RFPL2: variants seen among roughly 807,000 people sequenced by gnomAD.
RFPL2 encodes the protein ret finger protein like 2.
Under a neutral mutation model 17.8 loss-of-function variants are expected in RFPL2, and 13 were observed. The observed-to-expected ratio is 0.73, with a 90% CI of 0.47 to 1.16. The LOEUF is 1.16. Among genes scored for constraint, RFPL2 ranks in the 50% most tolerant of loss-of-function variants. The pLI is 0.00. For synonymous variants in RFPL2, 189 were observed against 180.9 expected (o/e 1.04, Z -0.36); for missense variants, 431 against 479.3 (o/e 0.90, Z 0.94).
intron 2 of RFPL2, among the ~76,000 whole-genome samples, chr22:32,197,408 T>TA (rs993766918): frequency 1.3e-5 from 2 of 152,126 alleles, no homozygotes; most frequent in African/African-American, 2.4e-5. Context: ...TCTTTTTTTT[T>TA]ACTTCATTTT....
In RFPL2 at chr22:32,192,897, C is replaced by A. The variant is rs376243048; in HGVS notation, c.556+5G>T. Reference sequence around the variant, plus strand: ...GGAAGGGGGCAGGGTATACAGATGCCTTACCTTGGAACTTCCGCATCCTTG... The same window carrying A: ...GGAAGGGGGCAGGGTATACAGATGCATTACCTTGGAACTTCCGCATCCTTG... On this transcript the variant is annotated splice_donor_5th_base_variant and intron_variant, in intron 4 of 4. Coordinates refer to ENST00000652607, the MANE Select transcript of RFPL2 (RefSeq NM_001394555.1). The A allele has an allele frequency of 6.2e-7, 1 of 1,605,318 alleles. No homozygotes were observed. Among genetic ancestry groups the A allele is most frequent in the Non-Finnish European group, 8.5e-7 (1 of 1,175,752 alleles).
rs377575338 is a variant in RFPL2, at chr22:32,191,259, C to T, written c.650G>A (p.Arg217Gln). The change falls in exon 5 of 5, where the codon CGG becomes CAG. Residue 217 changes from arginine (R) to glutamine (Q), a missense_variant. Transcript: ENST00000652607. ...GTCAAATCTCTCGGCAAGGTCTTGCCGATTCTGTCTGATGCGCCCACTTCG... is the reference window on the plus strand; with the variant it reads ...GTCAAATCTCTCGGCAAGGTCTTGCTGATTCTGTCTGATGCGCCCACTTCG... ...SVRSGRIRQN[R>Q]QDLAERFDVS... The T allele has an allele frequency of 2.7e-5, 44 of 1,613,934 alleles. No homozygotes were observed. The African/African-American group carries it at 3.7e-4, about 14-fold the overall frequency.
At chr22:32,195,027 C>T (rs3986030) in intron 2 of RFPL2, among the ~76,000 whole-genome samples, 1 of 152,084 alleles carries the variant, frequency 6.6e-6, no homozygotes, top group African/African-American at 2.4e-5. Flanking sequence ...CTTGTGAAAC[C>T]TGTGTTTTCA....
In RFPL2 at chr22:32,194,445, A is replaced by G. The variant is rs1380024301; in HGVS notation, c.165T>C (p.Gly55=). ...EGVEGRDPVG[G]GNLTNKRPSC... ...AGGGCCTTTTATTGGTGAGATTCCCACCTCCCACTGGGTCACGCCCTTCCA... is the reference window on the plus strand; with the variant it reads ...AGGGCCTTTTATTGGTGAGATTCCCGCCTCCCACTGGGTCACGCCCTTCCA... The change falls in exon 3 of 5, where the codon GGT becomes GGC. Residue 55 remains glycine (G), a synonymous_variant. Transcript: ENST00000652607. 2 of 1,611,384 alleles carry G rather than the reference A, an allele frequency of 1.2e-6. No homozygotes were observed.
intron 2 of RFPL2, among the ~76,000 whole-genome samples, chr22:32,197,251 G>C (rs1393939589): frequency 6.6e-6 from 1 of 152,164 alleles, no homozygotes; most frequent in African/African-American, 2.4e-5. Flanking sequence ...TGTTATAAAA[G>C]GAAATCATTC....
chr22:32,194,407 G>A lies in RFPL2; in HGVS notation c.203C>T (p.Ser68Phe), dbSNP rs1490235756. 6.2e-7 allele frequency: 1 copy of A among 1,609,382 alleles called. No individual in the cohort carries two copies. Among genetic ancestry groups the A allele is most frequent in the Non-Finnish European group, 8.5e-7 (1 of 1,178,832 alleles). Residue 68 changes from serine (S) to phenylalanine (F), a missense_variant, in exon 3 of 5, where the codon TCC (serine) becomes TTC (phenylalanine). Coordinates refer to ENST00000652607, the MANE Select transcript of RFPL2 (RefSeq NM_001394555.1). ...CCACTGGGCGCTCAGGTCTTGTGGG[G>A]AAGGGGCACACGAGGGCCTTTTATT... ...LTNKRPSCAPSPQDLSAQWKQ... is the reference protein window; with the variant it reads ...LTNKRPSCAPFPQDLSAQWKQ...
rs1483105345 is a variant in RFPL2 at position 32,190,979 on chromosome 22, C to T, written c.930G>A (p.Leu310=). ...DRKLQRVGIF[L]DMGMQNVSFF... ...AGGAAACGTTCTGCATGCCCATATC[C>T]AGAAAAATCCCCACTCGCTGTAACT... Residue 310 remains leucine, a synonymous_variant, in exon 5 of 5, where the codon CTG becomes CTA. Transcript: ENST00000652607. 2.5e-6 allele frequency: 4 copies of T among 1,610,038 alleles called. No homozygotes were observed. Among genetic ancestry groups the T allele is most frequent in the African/African-American group, 2.7e-5 (2 of 74,622 alleles).
chr22:32,193,177 AG>A lies in RFPL2; in HGVS notation c.280del (p.Leu94SerfsTer64). 2 of 1,613,986 alleles carry A rather than the reference AG, an allele frequency of 1.2e-6. No individual in the cohort carries two copies. Among genetic ancestry groups the A allele is most frequent in the Non-Finnish European group, 1.7e-6 (2 of 1,179,864 alleles). On this transcript the variant is annotated frameshift_variant, in exon 4 of 5. Transcript: ENST00000652607. LOFTEE classifies it high-confidence loss of function. ...ASSRRVDMAA[L>X]FQEASSCPVC... is the part of the protein sequence containing the mutation. Reference sequence around the variant, plus strand: ...GGGACAGCTGCTTGCTTCTTGGAAGAGTGCAGCCATGTCCACTGCCAGGGGA... The same window carrying A: ...GGGACAGCTGCTTGCTTCTTGGAAGATGCAGCCATGTCCACTGCCAGGGGA...
intron 3 of RFPL2, 25 bp from the exon 4 acceptor site, chr22:32,193,217 T>G (rs368276523): frequency 6.8e-6 from 11 of 1,613,744 alleles, no homozygotes; most frequent in African/African-American, 6.7e-5. Context: ...GTACACAAGG[T>G]AAAAAAATTT....
chr22:32,199,644 C>T (rs766355072), intron 2 of RFPL2, among the ~76,000 whole-genome samples: 1 of 152,102 alleles, frequency 6.6e-6, no homozygotes, highest in Non-Finnish European at 1.5e-5. Context: ...TGGCAGGCAG[C>T]GGCAGGCGGT....
chr22:32,204,703 T>C lies in RFPL2; in HGVS notation c.-100+4A>G, dbSNP rs1265807873. 6.6e-6 allele frequency among the ~76,000 whole-genome samples: 1 copy of C among 152,072 alleles called. No homozygotes were observed. Among genetic ancestry groups the C allele is most frequent in the Non-Finnish European group, 1.5e-5 (1 of 67,986 alleles). ...AGCGTGGGACAGGTGACTCCTCCTC[T>C]AACCTGGGCATGGAGCAGATGGGCT... On this transcript the variant is annotated splice_donor_region_variant and intron_variant, in intron 1 of 4. Coordinates refer to ENST00000652607, the MANE Select transcript of RFPL2 (RefSeq NM_001394555.1).
intron 2 of RFPL2, among the ~76,000 whole-genome samples, chr22:32,197,936 T>C (rs1003522901): frequency 2.6e-5 from 4 of 152,150 alleles, no homozygotes; most frequent in African/African-American, 9.7e-5. Context: ...TGATAGGGGC[T>C]TGCTTCCAAC....
Position 32,194,821 on chromosome 22 carries a change from G to A in RFPL2, c.120-331C>T, listed in dbSNP as rs2413078. Among the ~76,000 whole-genome samples the A allele has an allele frequency of 2.5e-4, 38 of 152,312 alleles. No homozygotes were observed. The Middle Eastern group carries it at 0.014, about 55-fold the overall frequency. ...ATCAGACTCAAAGGTAATAAGGGCA[G>A]GCATTCCATTGAGGAAATTCTAGGT... On this transcript the variant is annotated intron_variant, in intron 2 of 4. Transcript: ENST00000652607.
At chr22:32,197,833 G>T (rs950842356) in intron 2 of RFPL2, among the ~76,000 whole-genome samples, 1 of 152,122 alleles carries the variant, frequency 6.6e-6, no homozygotes, top group Non-Finnish European at 1.5e-5. Context: ...TTGGAAGTGG[G>T]ATTTAGAGAT....
Position 32,204,904 on chromosome 22 carries a change from A to C in RFPL2, c.-297T>G, listed in dbSNP as rs573268409. Among the ~76,000 whole-genome samples, 1 of 152,254 alleles carries C rather than the reference A, an allele frequency of 6.6e-6. No homozygotes were observed. Among genetic ancestry groups the C allele is most frequent in the South Asian group, 2.1e-4 (1 of 4,838 alleles). ...GATGACAGCAAGTCTTAGGATAACCAATCAGAACAAGATAACAAAGCCCGA... is the reference window on the plus strand; with the variant it reads ...GATGACAGCAAGTCTTAGGATAACCCATCAGAACAAGATAACAAAGCCCGA... On this transcript the variant is annotated 5_prime_UTR_variant, in exon 1 of 5. In the 5' UTR this introduces an upstream ATG that the reference lacks. Transcript: ENST00000652607.
At chr22:32,193,950 A>G (rs187123961) in intron 3 of RFPL2, among the ~76,000 whole-genome samples, 80 of 151,568 alleles carry the variant, frequency 5.3e-4, no homozygotes, top group African/African-American at 1.9e-3. Context: ...AGGCAGGAAG[A>G]TCCCTTGAAC....
Position 32,190,671 on chromosome 22 carries a change from T to G in RFPL2, c.*101A>C. ...AATCAAGAAATGTCCCATATTTTTC[T>G]CCCGTGACTTTGTATAATGCTTTTA... On this transcript the variant is annotated 3_prime_UTR_variant, in exon 5 of 5. Coordinates refer to ENST00000652607, the MANE Select transcript of RFPL2 (RefSeq NM_001394555.1). 8.4e-7 allele frequency: 1 copy of G among 1,196,916 alleles called. No individual in the cohort carries two copies. The highest frequency in any genetic ancestry group is 1.8e-5 in the South Asian group (1 of 55,730). The allele number at this position is 1,196,916 out of a possible 1,614,324, so 74.1% of individuals were successfully genotyped here. A position where few individuals can be genotyped will look rare whatever the true frequency, so the allele number is the denominator to read the frequency against.
chr22:32,202,647 A>G, intron 1 of RFPL2, 97 bp from the exon 2 acceptor site: 2 of 1,401,406 alleles, frequency 1.4e-6, no homozygotes, highest in Non-Finnish European at 1.9e-6. Context: ...TCACACCCAC[A>G]CTTCAAAGTC....
chr22:32,204,002 C>T (rs1603214667), intron 1 of RFPL2, among the ~76,000 whole-genome samples: 1 of 151,056 alleles, frequency 6.6e-6, no homozygotes, highest in East Asian at 2.0e-4. Flanking sequence ...CCAACCCATT[C>T]CCTCTGCCCC....
Sources: allele counts gnomAD v4.1 joint callset (sites outside exome capture counted in the v4.1 genomes callset), GRCh38; gene constraint gnomAD v4.1.1; transcripts MANE v1.5; gene names NCBI Gene and HGNC (gene_info 2026-07-23, HGNC 2026-07-21).